Variants in DPP10 observed in about 807,000 individuals in gnomAD.
DPP10 encodes dipeptidyl peptidase like 10.
DPP10 carries 33 observed loss-of-function variants against 120.9 expected under a neutral mutation model. The observed-to-expected ratio is 0.27, with a 90% CI of 0.21 to 0.37. The LOEUF is 0.37. Ranked by LOEUF, DPP10 falls within the 10% of genes least tolerant of loss-of-function variation. DPP10 has a pLI of 1.00. For missense variants in DPP10, 816 were observed against 942.8 expected (o/e 0.87, Z 1.76); for synonymous variants, 337 against 326.1 (o/e 1.03, Z -0.36).
At chr2:114,850,169 C>T (rs1688848084) in intron 1 of DPP10, among the ~76,000 whole-genome samples, 1 of 151,622 alleles carries the variant, frequency 6.6e-6, no homozygotes, top group African/African-American at 2.4e-5. Flanking sequence ...TATAGGTGCA[C>T]ACCACCGTGC....
At chr2:115,263,447 G>T (rs1055405452) in intron 1 of DPP10, among the ~76,000 whole-genome samples, 2 of 152,134 alleles carry the variant, frequency 1.3e-5, no homozygotes, top group African/African-American at 4.8e-5. Flanking sequence ...ACCATTAATG[G>T]TATATTTAGC....
chr2:115,377,195 A>G (rs1292636209), intron 3 of DPP10, among the ~76,000 whole-genome samples: 2 of 151,992 alleles, frequency 1.3e-5, no homozygotes, highest in African/African-American at 4.8e-5. Flanking sequence ...GTATTTCTCC[A>G]CATCCTCTCC....
chr2:115,430,820 T>G (rs2070905214), intron 3 of DPP10, among the ~76,000 whole-genome samples: 1 of 152,202 alleles, frequency 6.6e-6, no homozygotes, highest in African/African-American at 2.4e-5. Context: ...GCTCTGTGTT[T>G]TACTGCTCAC....
At chr2:115,493,515 T>TG (rs913057523) in intron 3 of DPP10, among the ~76,000 whole-genome samples, 3 of 118,244 alleles carry the variant, frequency 2.5e-5, no homozygotes, top group African/African-American at 3.7e-5. Context: ...GAAGAGCTGT[T>TG]GGAAAAAAAA....
chr2:115,144,825 AT>A (rs1162925110), intron 1 of DPP10: 5 of 151,984 alleles, frequency 3.3e-5, no homozygotes, highest in Admixed American at 6.6e-5. Context: ...TAATAAAAAA[AT>A]AAAATAAAAT....
chr2:115,113,862 G>T (rs1477491501), intron 1 of DPP10, among the ~76,000 whole-genome samples: 1 of 152,008 alleles, frequency 6.6e-6, no homozygotes, highest in Non-Finnish European at 1.5e-5. Flanking sequence ...TTTGTGTATT[G>T]CCCTATTGAA....
At chr2:115,801,798 G>A (rs1685273555) in intron 19 of DPP10, among the ~76,000 whole-genome samples, 1 of 152,110 alleles carries the variant, frequency 6.6e-6, no homozygotes, top group African/African-American at 2.4e-5. Context: ...TGATCATGGT[G>A]GATAAGCTTT....
chr2:114,627,661 A>G (rs1488326591), intron 1 of DPP10, among the ~76,000 whole-genome samples: 2 of 152,094 alleles, frequency 1.3e-5, no homozygotes, highest in Non-Finnish European at 2.9e-5. Context: ...TATGAGCTGC[A>G]GGGCTAATTG....
At chr2:115,274,523 T>C (rs751456351) in intron 1 of DPP10, among the ~76,000 whole-genome samples, 13 of 152,174 alleles carry the variant, frequency 8.5e-5, no homozygotes, top group Non-Finnish European at 1.8e-4. Context: ...AAGAATTGTA[T>C]AGCGTGTCCC....
chr2:115,507,034 GCACACACACACACACA>G (rs71394148), intron 4 of DPP10, among the ~76,000 whole-genome samples: 10 of 148,800 alleles, frequency 6.7e-5, no homozygotes, highest in African/African-American at 2.5e-4. Flanking sequence ...ACACGCACGC[GCACACACACACACACA>G]CACACAGACA....
intron 1 of DPP10, among the ~76,000 whole-genome samples, chr2:114,667,424 A>C (rs964240386): frequency 3.3e-5 from 5 of 152,308 alleles, no homozygotes; most frequent in African/African-American, 1.2e-4. Context: ...TGCCTTAACC[A>C]AGGGAAGAAA....
At chr2:115,095,730 T>G (rs959513419) in intron 1 of DPP10, among the ~76,000 whole-genome samples, 1 of 151,962 alleles carries the variant, frequency 6.6e-6, no homozygotes, top group African/African-American at 2.4e-5. Context: ...TAAATACACA[T>G]GAGCAATGGA....
intron 3 of DPP10, among the ~76,000 whole-genome samples, chr2:115,413,576 T>C (rs2104601270): frequency 6.6e-6 from 1 of 152,194 alleles, no homozygotes; most frequent in Non-Finnish European, 1.5e-5. Flanking sequence ...TTTTAAAAAG[T>C]ACCTAAAATT....
intron 5 of DPP10, among the ~76,000 whole-genome samples, chr2:115,548,386 T>C (rs1435868839): frequency 6.6e-6 from 1 of 151,342 alleles, no homozygotes; most frequent in South Asian, 2.1e-4. Flanking sequence ...TTTCCTGGCA[T>C]TATGCTAAAA....
At chr2:115,016,153 T>C (rs556703216) in intron 1 of DPP10, among the ~76,000 whole-genome samples, 33 of 152,156 alleles carry the variant, frequency 2.2e-4, no homozygotes, top group Admixed American at 1.0e-3. Context: ...AAAACAGATA[T>C]ATAGACCAAT....
chr2:114,692,530 TG>T (rs1474771834), intron 1 of DPP10, among the ~76,000 whole-genome samples: 3 of 152,020 alleles, frequency 2.0e-5, no homozygotes, highest in Non-Finnish European at 2.9e-5. Context: ...AAGTGCCATG[TG>T]GTGATGAAAA....
At chr2:114,771,292 A>G (rs1039200993) in intron 1 of DPP10, among the ~76,000 whole-genome samples, 1 of 152,180 alleles carries the variant, frequency 6.6e-6, no homozygotes, top group African/African-American at 2.4e-5. Context: ...AGGGCTATTC[A>G]CTGTGGCCGT....
intron 1 of DPP10, among the ~76,000 whole-genome samples, chr2:115,244,539 T>C (rs1026849150): frequency 3.3e-5 from 5 of 151,768 alleles, no homozygotes; most frequent in African/African-American, 9.7e-5. Flanking sequence ...TTCTTAATTC[T>C]TGAAAGTAAT....
intron 1 of DPP10, among the ~76,000 whole-genome samples, chr2:114,482,393 A>G (rs1681141239): frequency 6.6e-6 from 1 of 152,152 alleles, no homozygotes; most frequent in African/African-American, 2.4e-5. Flanking sequence ...ATGCCTTGTA[A>G]ATTCCATCTT....
Sources: gnomAD v4.1 joint callset for allele counts (sites outside exome capture counted in the v4.1 genomes callset) on GRCh38, gnomAD v4.1.1 for gene constraint, MANE v1.5 for transcripts, NCBI Gene and HGNC (gene_info 2026-07-23, HGNC 2026-07-21) for gene names.